Variants in LCN12 observed in about 807,000 individuals in gnomAD.
LCN12 encodes epididymal-specific lipocalin-12.
Under a neutral mutation model 23.7 loss-of-function variants are expected in LCN12, and 15 were observed. The observed-to-expected ratio is 0.63, with a 90% confidence interval of 0.42 to 0.97. The LOEUF (loss-of-function observed/expected upper bound fraction) is 0.97. Ranked by LOEUF, LCN12 falls within the 50% of genes least tolerant of loss-of-function variation. The probability of loss-of-function intolerance (pLI) is 0.00; values close to 1 mark genes in which losing one functional copy is unlikely to be tolerated. For synonymous variants in LCN12, 116 were observed against 111.5 expected (o/e 1.04, Z -0.25); for missense variants, 219 against 249.6 (o/e 0.88, Z 0.83).
upstream of LCN12, among the ~76,000 whole-genome samples, chr9:136,950,318 C>A (rs560341530): frequency 6.6e-5 from 10 of 152,264 alleles, no homozygotes; most frequent in African/African-American, 2.4e-4. Flanking sequence ...CACACACAGA[C>A]CCCCCAGGGC....
rs373167488 is a variant in LCN12, at chr9:136,952,890, A to T, written c.115-2A>T. On this transcript the variant is annotated splice_acceptor_variant, in intron 1 of 5. Transcript: ENST00000371633. LOFTEE classifies it high-confidence loss of function. The stretch of plus-strand genomic sequence containing the variant: ...CGCCCCTGCCCACCACCGCCTCTGT[A>T]GTTCCAGGGGGAATGGTTCGTCCTG... 3 of 1,293,034 alleles carry T rather than the reference A, an allele frequency of 2.3e-6. No individual in the cohort carries two copies. The highest frequency in any genetic ancestry group is 3.1e-5 in the East Asian group (1 of 32,368). The allele number at this position is 1,293,034 out of a possible 1,614,324, so 80.1% of individuals were successfully genotyped here. A position where few individuals can be genotyped will look rare whatever the true frequency, so the allele number is the denominator to read the frequency against.
intron 5 of LCN12, chr9:136,954,607 A>G (rs1414356972): frequency 1.5e-6 from 1 of 681,218 alleles, no homozygotes. Context: ...GTCCTGGGCT[A>G]CCTCCTCCCA....
Position 136,952,389 on chromosome 9 carries a change from C to T in LCN12, c.62C>T (p.Thr21Ile), listed in dbSNP as rs749383616. 2.5e-6 allele frequency: 4 copies of T among 1,612,120 alleles called. No homozygotes were observed. The highest frequency in any genetic ancestry group is 1.1e-5 in the South Asian group (1 of 90,934). ...LSLLKVLQAQ[T>I]PTPLPLPPPM... Reference sequence around the variant, plus strand: ...TTGCTGAAAGTCCTGCAGGCCCAGACCCCAACCCCCCTGCCACTCCCGCCC... The same window carrying T: ...TTGCTGAAAGTCCTGCAGGCCCAGATCCCAACCCCCCTGCCACTCCCGCCC... The change falls in exon 1 of 6, where the codon ACC (threonine) becomes ATC (isoleucine). Residue 21 changes from threonine (T) to isoleucine (I), a missense_variant. Thr to Ile is a moderately conservative substitution (Grantham distance 89, BLOSUM62 -1). Transcript: ENST00000371633.
At chr9:136,954,327 A>G in intron 5 of LCN12, 72 bp downstream of exon 5, 1 of 1,491,038 alleles carries the variant, frequency 6.7e-7, no homozygotes, top group South Asian at 1.2e-5. Context: ...GGTTGACCCT[A>G]GAGGAGCTGG....
chr9:136,956,533 A>T (rs962655387), downstream of LCN12, among the ~76,000 whole-genome samples: 25 of 152,244 alleles, frequency 1.6e-4, no homozygotes, highest in Non-Finnish European at 3.4e-4. Flanking sequence ...TGCAGCCACA[A>T]TTCAACCTTT....
chr9:136,954,870 C>T, intron 5 of LCN12: 1 of 1,238,394 alleles, frequency 8.1e-7, no homozygotes, highest in Non-Finnish European at 1.0e-6. Flanking sequence ...GCCCACCGTG[C>T]CCTTCTGATT....
rs1308739497 is a variant in LCN12 at position 136,952,289 on chromosome 9, TTCC to T, written c.-37_-35del. 2.0e-6 allele frequency: 3 copies of T among 1,482,678 alleles called. No homozygotes were observed. In the African/African-American group the frequency reaches 4.2e-5, roughly 21 times the overall value. 91.8% of individuals were successfully genotyped at this position (1,482,678 alleles called of 1,614,324 possible). A position where few individuals can be genotyped will look rare whatever the true frequency, so the allele number is the denominator to read the frequency against. ...CTCTGGGTCACCTGCCCATGGCCAC[TTCC>T]TTCTCTCTGTCCCTGTGGGCCCAGC... is the stretch of plus-strand genomic sequence containing the variant. On this transcript the variant is annotated 5_prime_UTR_variant, in exon 1 of 6. Coordinates refer to ENST00000371633, the MANE Select transcript of LCN12 (RefSeq NM_178536.4).
At chr9:136,955,108 C>T in intron 5 of LCN12, 3 of 1,416,516 alleles carry the variant, frequency 2.1e-6, no homozygotes, top group Non-Finnish European at 2.8e-6. Context: ...TGCAGTGAGT[C>T]TGGGGGCCCA....
intron 2 of LCN12, 115 bp downstream of exon 2, chr9:136,953,143 C>A: frequency 2.1e-6 from 3 of 1,408,290 alleles, no homozygotes; most frequent in Non-Finnish European, 2.9e-6. Flanking sequence ...AGCTTCATGA[C>A]TCTGCCTGCC....
At chr9:136,953,198 C>T (rs1217418745) in intron 2 of LCN12, 170 bp downstream of exon 2, 2 of 849,670 alleles carry the variant, frequency 2.4e-6, no homozygotes, top group Non-Finnish European at 3.6e-6. Context: ...GTGTGGGCAG[C>T]TGGGCGCGCT....
chr9:136,953,096 G>A, intron 2 of LCN12, 68 bp downstream of exon 2: 1 of 1,595,618 alleles, frequency 6.3e-7, no homozygotes, highest in Admixed American at 1.7e-5. Flanking sequence ...AGCCGCCAGT[G>A]GCTCAGGTGC....
intron 5 of LCN12, chr9:136,954,763 C>T: frequency 7.7e-7 from 1 of 1,291,326 alleles, no homozygotes. Flanking sequence ...TGGGTGGCAG[C>T]CCCAGCCTGA....
At chr9:136,953,367 GGGCCGGGCGC>G in intron 2 of LCN12, 2 of 93,764 alleles carry the variant, frequency 2.1e-5, no homozygotes, top group Non-Finnish European at 3.9e-5. Flanking sequence ...AGCACTTTGG[GGGCCGGGCGC>G]GGTCGCGCAC....
chr9:136,953,649 T>G lies in LCN12; in HGVS notation c.252-51T>G. ...ATCTCCTGAGGGGCCCACCTCAGCATGGACCTGCCAGCTTCCGGAGCCTTC... is the reference window on the plus strand; with the variant it reads ...ATCTCCTGAGGGGCCCACCTCAGCAGGGACCTGCCAGCTTCCGGAGCCTTC... On this transcript the variant is annotated intron_variant, in intron 2 of 5. Transcript: ENST00000371633. 4.2e-6 allele frequency: 6 copies of G among 1,412,184 alleles called. No homozygotes were observed. The South Asian group carries it at 8.3e-5, about 20-fold the overall frequency. 87.5% of individuals were successfully genotyped at this position (1,412,184 alleles called of 1,614,324 possible). A position where few individuals can be genotyped will look rare whatever the true frequency, so the allele number is the denominator to read the frequency against.
intron 5 of LCN12, chr9:136,954,740 C>T (rs1266639246): frequency 7.7e-7 from 1 of 1,291,406 alleles, no homozygotes; most frequent in Admixed American, 2.3e-5. Context: ...CCCTGGACCT[C>T]AGCAGCCTGC....
At chr9:136,952,492 G>T in intron 1 of LCN12, 51 bp downstream of exon 1, 1 of 1,311,840 alleles carries the variant, frequency 7.6e-7, no homozygotes, top group East Asian at 2.4e-5. Context: ...CTGAGTGCAG[G>T]GAGAGGCTGG....
chr9:136,952,120 C>G (rs570459559), upstream of LCN12, among the ~76,000 whole-genome samples: 1 of 101,680 alleles, frequency 9.8e-6, no homozygotes, highest in Admixed American at 9.7e-5. Context: ...CCCAAGAGAC[C>G]GCAGGTGGGT....
chr9:136,952,324 C>T lies in LCN12; in HGVS notation c.-4C>T, dbSNP rs780329053. On this transcript the variant is annotated 5_prime_UTR_variant, in exon 1 of 6. Transcript: ENST00000371633. ...CTGTCCCTGTGGGCCCAGCAGCTGC[C>T]AGGATGAGGCTGCTGTGTGGCCTGT... 1 of 1,604,428 alleles carries T rather than the reference C, an allele frequency of 6.2e-7. No homozygotes were observed. The highest frequency in any genetic ancestry group is 1.3e-5 in the African/African-American group (1 of 74,890).
At chr9:136,952,863 G>GCCGCCCCTGCCCACCA (rs753683889) in intron 1 of LCN12, 29 bp from the exon 2 acceptor site, 11 of 1,026,850 alleles carry the variant, frequency 1.1e-5, no homozygotes, top group Non-Finnish European at 1.4e-5. Flanking sequence ...CCTGCCCACC[G>GCCGCCCCTGCCCACCA]CCGCCCCTGC....
Sources: allele counts gnomAD v4.1 joint callset (sites outside exome capture counted in the v4.1 genomes callset), GRCh38; gene constraint gnomAD v4.1.1; transcripts MANE v1.5; gene names NCBI Gene and HGNC (gene_info 2026-07-23, HGNC 2026-07-21).